The following NINJ2 variants were observed in gnomAD, a reference collection of about 807,000 sequenced individuals.
NINJ2 encodes ninjurin 2.
In NINJ2, 12 loss-of-function variants were observed where a neutral mutation model predicts 11.7. The ratio of observed to expected loss-of-function variants is 1.02; its 90% confidence interval spans 0.66 to 1.66. The LOEUF is 1.66. Ranked by LOEUF, NINJ2 falls within the 40% of genes most tolerant of loss-of-function variation. The pLI, the probability that NINJ2 is intolerant of heterozygous loss-of-function variation, is 0.00. For missense variants in NINJ2, 187 were observed against 181.8 expected (o/e 1.03, Z -0.16); for synonymous variants, 93 against 76.8 (o/e 1.21, Z -1.10).
At chr12:600,651 GGGGT>G (rs1240942078) in intron 1 of NINJ2, among the ~76,000 whole-genome samples, 3 of 112,606 alleles carry the variant, frequency 2.7e-5, no homozygotes, top group African/African-American at 1.0e-4. Context: ...GAATTTTTTT[GGGGT>G]GTGTGTGTGT....
At chr12:570,839 G>GTT (rs1947366040) in intron 1 of NINJ2, among the ~76,000 whole-genome samples, 1 of 152,196 alleles carries the variant, frequency 6.6e-6, no homozygotes, top group African/African-American at 2.4e-5. Flanking sequence ...CTGGTTGCTG[G>GTT]GCCCAGCTCT....
intron 1 of NINJ2, among the ~76,000 whole-genome samples, chr12:588,132 A>G (rs1264253941): frequency 6.7e-6 from 1 of 150,174 alleles, no homozygotes; most frequent in Non-Finnish European, 1.5e-5. Flanking sequence ...AAATCAATTT[A>G]CAAGACAGCA....
intron 1 of NINJ2, among the ~76,000 whole-genome samples, chr12:616,425 G>A (rs1948092014): frequency 1.3e-5 from 2 of 152,072 alleles, no homozygotes; most frequent in Admixed American, 1.3e-4. Context: ...AGGTCCAGGG[G>A]TTTGGTCTTG....
chr12:611,094 A>C (rs1446975584), intron 1 of NINJ2, among the ~76,000 whole-genome samples: 1 of 152,210 alleles, frequency 6.6e-6, no homozygotes, highest in East Asian at 1.9e-4. Context: ...ATCTGTCCCA[A>C]GAACTTCCTT....
chr12:566,596 G>T (rs1246802574), intron 1 of NINJ2, among the ~76,000 whole-genome samples: 1 of 152,162 alleles, frequency 6.6e-6, no homozygotes, highest in Non-Finnish European at 1.5e-5. Flanking sequence ...TGGAGGCTTG[G>T]GTGAAATAGA....
At chr12:656,472 C>T (rs1257487320) in intron 1 of NINJ2, among the ~76,000 whole-genome samples, 1 of 149,938 alleles carries the variant, frequency 6.7e-6, no homozygotes, top group African/African-American at 2.5e-5. Flanking sequence ...GTAAAGCGGC[C>T]AGGCATGGTG....
chr12:658,808 G>A (rs1937914366), intron 1 of NINJ2, among the ~76,000 whole-genome samples: 1 of 151,982 alleles, frequency 6.6e-6, no homozygotes, highest in Non-Finnish European at 1.5e-5. Context: ...CACCAAGAGT[G>A]AACCCTCATG....
At chr12:623,319 C>T (rs1262353850) in intron 1 of NINJ2, among the ~76,000 whole-genome samples, 1 of 152,152 alleles carries the variant, frequency 6.6e-6, no homozygotes, top group Non-Finnish European at 1.5e-5. Context: ...AAGGATCTCC[C>T]AGCCTCTGTC....
intron 1 of NINJ2, among the ~76,000 whole-genome samples, chr12:569,832 C>G (rs970178354): frequency 3.9e-5 from 6 of 152,224 alleles, no homozygotes; most frequent in African/African-American, 1.2e-4. Flanking sequence ...GCGCCTCATC[C>G]TTTCCTCGCT....
intron 1 of NINJ2, among the ~76,000 whole-genome samples, chr12:629,744 AGGCCTGGT>A (rs1355593367): frequency 1.1e-4 from 17 of 150,612 alleles, no homozygotes; most frequent in Non-Finnish European, 2.1e-4. Flanking sequence ...AAAATTAACC[AGGCCTGGT>A]GGCGCATGCC....
At chr12:639,997 C>T (rs921657990) in intron 1 of NINJ2, among the ~76,000 whole-genome samples, 3 of 152,212 alleles carry the variant, frequency 2.0e-5, no homozygotes, top group African/African-American at 7.2e-5. Flanking sequence ...CCCAGGCCCC[C>T]GAATAGTGTA....
chr12:651,195 A>G (rs186963751), intron 1 of NINJ2, among the ~76,000 whole-genome samples: 11 of 152,350 alleles, frequency 7.2e-5, no homozygotes, highest in Admixed American at 2.0e-4. Context: ...TGCTTCTGGC[A>G]GGGGAAAGGG....
At chr12:641,224 G>A (rs1948412313) in intron 1 of NINJ2, among the ~76,000 whole-genome samples, 1 of 152,152 alleles carries the variant, frequency 6.6e-6, no homozygotes, top group Non-Finnish European at 1.5e-5. Flanking sequence ...TCTCCCTTCT[G>A]GAACAGCCCT....
intron 1 of NINJ2, among the ~76,000 whole-genome samples, chr12:652,809 G>A (rs1937813529): frequency 2.0e-5 from 3 of 151,208 alleles, no homozygotes; most frequent in South Asian, 4.2e-4. Context: ...TTAGCTGGGC[G>A]TGGTGGCAGG....
At chr12:601,990 C>T (rs1947880507) in intron 1 of NINJ2, among the ~76,000 whole-genome samples, 1 of 152,170 alleles carries the variant, frequency 6.6e-6, no homozygotes, top group South Asian at 2.1e-4. Flanking sequence ...ACTGACATCC[C>T]CAGATGAAGC....
intron 1 of NINJ2, chr12:589,475 C>T (rs1452103874): frequency 1.3e-5 from 2 of 152,274 alleles, no homozygotes; most frequent in African/African-American, 4.8e-5. Context: ...TAAAGACTTT[C>T]CCTTTCTTTC....
At chr12:627,054 C>T (rs1299392547) in intron 1 of NINJ2, among the ~76,000 whole-genome samples, 2 of 152,176 alleles carry the variant, frequency 1.3e-5, no homozygotes, top group Middle Eastern at 3.4e-3. Flanking sequence ...CACTGAACAC[C>T]GGCCTGGGTG....
rs58255301 is a variant in NINJ2, at chr12:649,531, GTA to G, written c.33+13795_33+13796del. On this transcript the variant is annotated intron_variant, in intron 1 of 3. Transcript: ENST00000305108. ...AGTGAATATGTGTGTGTGTATATGT[GTA>G]TATATATATATATATATATAGTAGC... 9.2e-4 allele frequency among the ~76,000 whole-genome samples: 118 copies of G among 127,686 alleles called. 1 individual carries two copies. The highest frequency in any genetic ancestry group is 2.8e-3 in the African/African-American group (98 of 35,366). 83.8% of individuals were successfully genotyped at this position (127,686 alleles called of 152,430 possible).
intron 1 of NINJ2, among the ~76,000 whole-genome samples, chr12:592,270 A>G (rs545824638): frequency 6.6e-6 from 1 of 152,308 alleles, no homozygotes; most frequent in African/African-American, 2.4e-5. Context: ...TGTCTCCTAG[A>G]TAACATGAGG....
Sources: allele counts gnomAD v4.1 joint callset (sites outside exome capture counted in the v4.1 genomes callset), GRCh38; gene constraint gnomAD v4.1.1; transcripts MANE v1.5; gene names NCBI Gene and HGNC (gene_info 2026-07-23, HGNC 2026-07-21).